Variants in BRCA2 observed in about 807,000 individuals in gnomAD.
The protein encoded by BRCA2 is breast cancer type 2 susceptibility protein.
A neutral mutation model predicts 276.7 loss-of-function variants in BRCA2; 203 were observed. The observed-to-expected ratio is 0.73, with a 90% confidence interval of 0.65 to 0.82. The LOEUF is 0.82. BRCA2 is among the 40% of genes least tolerant of loss of function. BRCA2 has a pLI of 0.00. For synonymous variants in BRCA2, 1,289 were observed against 1,338.4 expected (o/e 0.96, Z 0.81); for missense variants, 3,920 against 3,915.0 (o/e 1.00, Z -0.03).
At position 32,371,874 on chromosome 13, in the gene BRCA2, A is replaced by G. The variant is rs206067; in HGVS notation, c.8632+774A>G. ...TCTCTTAAATGTGTAGTAGCATTGT[A>G]TCTAAAAAAAACAATGCACATACCT... On this transcript the variant is annotated intron_variant, in intron 20 of 26. Coordinates refer to ENST00000380152, the MANE Select transcript of BRCA2 (RefSeq NM_000059.4). Among the ~76,000 whole-genome samples, 149,423 of 152,310 alleles carry G rather than the reference A, an allele frequency of 0.98. 73,360 individuals are homozygous for G. The highest frequency in any genetic ancestry group is 1 in the East Asian group (5,177 of 5,178).
intron 16 of BRCA2, 70 bp downstream of exon 16, chr13:32,357,999 T>C: frequency 6.5e-7 from 1 of 1,534,970 alleles, no homozygotes; most frequent in South Asian, 1.1e-5. Context: ...CTCTTAACTG[T>C]CTCTCGAACT....
At chr13:32,390,675 C>T (rs1305644513) in intron 24 of BRCA2, among the ~76,000 whole-genome samples, 2 of 152,166 alleles carry the variant, frequency 1.3e-5, no homozygotes, top group African/African-American at 4.8e-5. Flanking sequence ...GCTTTTGAAG[C>T]ATTTTGTTGG....
rs138886574 is a variant in BRCA2 at position 32,392,993 on chromosome 13, C to T, written c.9257-1696C>T. 2.0e-3 allele frequency among the ~76,000 whole-genome samples: 300 copies of T among 152,220 alleles called. 2 individuals are homozygous for T. Among genetic ancestry groups the T allele is most frequent in the Non-Finnish European group, 3.7e-3 (254 of 68,002 alleles). On this transcript the variant is annotated intron_variant, in intron 24 of 26. Transcript: ENST00000380152. ...ATCAATTATTTTGTAGCATTCCCCT[C>T]AATTTGAGTTCGTCTGATGTTTTCT... is the stretch of plus-strand genomic sequence containing the variant.
rs1566227393 is a variant in BRCA2 at position 32,337,229 on chromosome 13, T to C, written c.2874T>C (p.Ser958=). 2 of 1,612,396 alleles carry C rather than the reference T, an allele frequency of 1.2e-6. No individual in the cohort carries two copies. Among genetic ancestry groups the C allele is most frequent in the Non-Finnish European group, 1.7e-6 (2 of 1,179,560 alleles). ...VYVLAEENKN[S]VKQHIKMTLG... ...TTCTTGCAGAGGAGAACAAAAATAG[T>C]GTAAAGCAGCATATAAAAATGACTC... Residue 958 remains serine, a synonymous_variant, in exon 11 of 27, where the codon AGT becomes AGC. Transcript: ENST00000380152.
chr13:32,334,949 G>A (rs554010481), intron 10 of BRCA2, among the ~76,000 whole-genome samples: 1 of 152,338 alleles, frequency 6.6e-6, no homozygotes, highest in South Asian at 2.1e-4. Context: ...TCAGTGAATA[G>A]TAGAGTTGGT....
intron 18 of BRCA2, among the ~76,000 whole-genome samples, chr13:32,367,498 A>C (rs1050052705): frequency 6.6e-6 from 1 of 151,986 alleles, no homozygotes; most frequent in Non-Finnish European, 1.5e-5. Flanking sequence ...GATAACTTCT[A>C]TTCTCATTGT....
intron 24 of BRCA2, among the ~76,000 whole-genome samples, chr13:32,388,210 C>T (rs753450305): frequency 6.6e-6 from 1 of 151,876 alleles, no homozygotes; most frequent in Non-Finnish European, 1.5e-5. Context: ...CCTCTGCCTC[C>T]CCAGCTCAAG....
intron 3 of BRCA2, among the ~76,000 whole-genome samples, chr13:32,322,589 G>T (rs148854104): frequency 6.6e-5 from 10 of 152,302 alleles, no homozygotes; most frequent in African/African-American, 2.4e-4. Flanking sequence ...TTTCTGCCCC[G>T]GGTGGGCCAG....
Position 32,355,302 on chromosome 13 carries a change from A to G in BRCA2, c.7435+14A>G, listed in dbSNP as rs773939611. ...AAGAACCTTTAGGTATTGTATGACA[A>G]TTTGTGTGATGAATTTTTGCCTTTC... On this transcript the variant is annotated intron_variant, in intron 14 of 26. Coordinates refer to ENST00000380152, the MANE Select transcript of BRCA2 (RefSeq NM_000059.4). 6.2e-7 allele frequency: 1 copy of G among 1,613,278 alleles called. No homozygotes were observed. The highest frequency in any genetic ancestry group is 1.1e-5 in the South Asian group (1 of 90,820).
At position 32,394,687 on chromosome 13, in the gene BRCA2, A is replaced by G. The variant is rs886040954; in HGVS notation, c.9257-2A>G. Reference sequence around the variant, plus strand: ...CATTCTTTTCTTTTTTTTCCATTCTAGGACTTGCCCCTTTCGTCTATTTGT... The same window carrying G: ...CATTCTTTTCTTTTTTTTCCATTCTGGGACTTGCCCCTTTCGTCTATTTGT... On this transcript the variant is annotated splice_acceptor_variant, in intron 24 of 26. Coordinates refer to ENST00000380152, the MANE Select transcript of BRCA2 (RefSeq NM_000059.4). LOFTEE classifies it high-confidence loss of function. The G allele has an allele frequency of 1.2e-6, 2 of 1,612,678 alleles. No individual in the cohort carries two copies. Among genetic ancestry groups the G allele is most frequent in the Non-Finnish European group, 1.7e-6 (2 of 1,179,140 alleles).
At chr13:32,319,350 G>A (rs766102009) in intron 3 of BRCA2, 25 bp downstream of exon 3, 2 of 1,592,634 alleles carry the variant, frequency 1.3e-6, no homozygotes, top group Admixed American at 1.7e-5. Context: ...ATGGTAGACT[G>A]GGGAGAACTA....
In BRCA2 at chr13:32,339,060, T is replaced by A. The variant is rs2137509279; in HGVS notation, c.4705T>A (p.Tyr1569Asn). Residue 1569 changes from tyrosine to asparagine, a missense_variant, in exon 11 of 27, where the codon TAC becomes AAC. Around this residue, in one of 2 missense-constraint regions of BRCA2, gnomAD observed 3,263 missense variants for 3,156.9 expected, o/e 1.03. Coordinates refer to ENST00000380152, the MANE Select transcript of BRCA2 (RefSeq NM_000059.4). The part of the protein sequence containing the change: ...FSHQWAKTLK[Y>N]REACKDLELA... ...CCATCAATGGGCAAAGACCCTAAAGTACAGAGAGGCCTGTAAAGACCTTGA... is the reference window on the plus strand; with the variant it reads ...CCATCAATGGGCAAAGACCCTAAAGAACAGAGAGGCCTGTAAAGACCTTGA... 6.2e-7 allele frequency: 1 copy of A among 1,613,994 alleles called. No individual in the cohort carries two copies. The highest frequency in any genetic ancestry group is 8.5e-7 in the Non-Finnish European group (1 of 1,179,932).
chr13:32,330,395 C>T (rs1198339958), intron 8 of BRCA2, among the ~76,000 whole-genome samples: 1 of 152,128 alleles, frequency 6.6e-6, no homozygotes, highest in East Asian at 1.9e-4. Context: ...AAGTCGAGAA[C>T]TTTCACTGTT....
chr13:32,341,533 C>T (rs2072569802), intron 11 of BRCA2, among the ~76,000 whole-genome samples: 1 of 152,116 alleles, frequency 6.6e-6, no homozygotes, highest in African/African-American at 2.4e-5. Flanking sequence ...ATTTGAAACT[C>T]TTAACAAAAC....
rs276174797 is a variant in BRCA2 at position 32,316,427 on chromosome 13, T to C, written c.-34T>C. On this transcript the variant is annotated 5_prime_UTR_variant, in exon 2 of 27. Transcript: ENST00000380152. ...TTTGGTCTTCTGTTTTGCAGACTTA[T>C]TTACCAAGCATTGGAGGAATATCGT... is the stretch of plus-strand genomic sequence containing the variant. 3 of 1,589,578 alleles carry C rather than the reference T, an allele frequency of 1.9e-6. No homozygotes were observed. The highest frequency in any genetic ancestry group is 2.6e-6 in the Non-Finnish European group (3 of 1,157,952).
chr13:32,320,525 G>A (rs1419119649), intron 3 of BRCA2, among the ~76,000 whole-genome samples: 1 of 151,822 alleles, frequency 6.6e-6, no homozygotes, highest in African/African-American at 2.4e-5. Flanking sequence ...CCTACTTTTT[G>A]TCTAGCTAAT....
At chr13:32,346,457 A>G (rs2072611388) in intron 12 of BRCA2, among the ~76,000 whole-genome samples, 1 of 152,062 alleles carries the variant, frequency 6.6e-6, no homozygotes, top group African/African-American at 2.4e-5. Flanking sequence ...TTGAAGATTT[A>G]ATTAGGTTCC....
At chr13:32,347,915 G>A (rs1163489007) in intron 13 of BRCA2, among the ~76,000 whole-genome samples, 1 of 152,104 alleles carries the variant, frequency 6.6e-6, no homozygotes, top group Non-Finnish European at 1.5e-5. Context: ...GATAGTCAAA[G>A]ATAACTAGTC....
At chr13:32,360,275 G>A (rs2072729604) in intron 16 of BRCA2, among the ~76,000 whole-genome samples, 1 of 152,292 alleles carries the variant, frequency 6.6e-6, no homozygotes, top group Middle Eastern at 3.4e-3. Flanking sequence ...GATACAAAAG[G>A]AAGACCTCAT....
Sources: allele counts gnomAD v4.1 joint callset (sites outside exome capture counted in the v4.1 genomes callset), GRCh38; gene constraint gnomAD v4.1.1; regional missense constraint gnomAD v4.1.1; transcripts MANE v1.5; gene names NCBI Gene and HGNC (gene_info 2026-07-23, HGNC 2026-07-21).